The following ARPIN variants were observed in gnomAD, a reference collection of about 807,000 sequenced individuals.
ARPIN encodes UPF0552 protein C15orf38.
In ARPIN, 23 loss-of-function variants were observed where a neutral mutation model predicts 25.9. That is an observed-to-expected ratio of 0.89 (90% CI 0.64 to 1.26). ARPIN has a LOEUF of 1.26. Among genes scored for constraint, ARPIN ranks in the 50% most tolerant of loss-of-function variants. The probability of loss-of-function intolerance (pLI) is 0.00; values close to 1 mark genes in which losing one functional copy is unlikely to be tolerated. For synonymous variants in ARPIN, 126 were observed against 131.4 expected, an observed-to-expected ratio of 0.96 and a Z score of 0.28; for missense variants, 333 against 312.2, an observed-to-expected ratio of 1.07 and a Z score of -0.50.
At chr15:89,905,584 G>A (rs1246315960) in intron 3 of ARPIN, among the ~76,000 whole-genome samples, 1 of 151,980 alleles carries the variant, frequency 6.6e-6, no homozygotes, top group Non-Finnish European at 1.5e-5. Flanking sequence ...AAACTTCTTG[G>A]ATGCTCCATA....
At chr15:89,903,637 G>T in intron 4 of ARPIN, 140 bp downstream of exon 4, 1 of 1,408,766 alleles carries the variant, frequency 7.1e-7, no homozygotes, top group Non-Finnish European at 9.6e-7. Context: ...AGGGATTTAG[G>T]AGTAAATCTC....
At chr15:89,911,214 G>T (rs528116693) in intron 1 of ARPIN, among the ~76,000 whole-genome samples, 2 of 152,266 alleles carry the variant, frequency 1.3e-5, no homozygotes, top group East Asian at 3.9e-4. Context: ...CTTTTTTATT[G>T]GTCCAAATGT....
In ARPIN at chr15:89,895,147, G is replaced by T. The variant is rs564196249; in HGVS notation, c.*6648C>A. On this transcript the variant is annotated 3_prime_UTR_variant, in exon 6 of 6. Coordinates refer to ENST00000357484, the MANE Select transcript of ARPIN (RefSeq NM_182616.4). ...ATATATCTCAGCAGTGTTATTACAG[G>T]GGAAAATGGGAAGAAAATTATTACA... 22 of 152,118 alleles carry T rather than the reference G, an allele frequency of 1.4e-4. No individual in the cohort carries two copies. Among genetic ancestry groups the T allele is most frequent in the African/African-American group, 5.3e-4 (22 of 41,494 alleles). 9.4% of individuals were successfully genotyped at this position (152,118 alleles called of 1,614,324 possible).
chr15:89,898,073 A>G lies in ARPIN; in HGVS notation c.*3722T>C, dbSNP rs1190735843. 2 of 151,780 alleles carry G rather than the reference A, an allele frequency of 1.3e-5. No homozygotes were observed. The highest frequency in any genetic ancestry group is 3.9e-4 in the East Asian group (2 of 5,162). 9.4% of individuals were successfully genotyped at this position (151,780 alleles called of 1,614,324 possible). On this transcript the variant is annotated 3_prime_UTR_variant, in exon 6 of 6. Transcript: ENST00000357484. ...GGTTGCAGTGAGCCGAGATTGAGCC[A>G]TTGCACTCCAGCCTGGGCAACAAGA...
rs1897002624 is a variant in ARPIN at position 89,900,612 on chromosome 15, T to C, written c.*1183A>G. 6.6e-6 allele frequency: 1 copy of C among 152,204 alleles called. No homozygotes were observed. Among genetic ancestry groups the C allele is most frequent in the Non-Finnish European group, 1.5e-5 (1 of 68,028 alleles). 9.4% of individuals were successfully genotyped at this position (152,204 alleles called of 1,614,324 possible). Reference sequence around the variant, plus strand: ...TTATTATCATGGAAATCATCTAGCATTGTGTTCGACACATTAGGGGGACTC... The same window carrying C: ...TTATTATCATGGAAATCATCTAGCACTGTGTTCGACACATTAGGGGGACTC... On this transcript the variant is annotated 3_prime_UTR_variant, in exon 6 of 6. Coordinates refer to ENST00000357484, the MANE Select transcript of ARPIN (RefSeq NM_182616.4).
Position 89,903,874 on chromosome 15 carries a change from T to C in ARPIN, c.411A>G (p.Thr137=), listed in dbSNP as rs1446789637. The change falls in exon 4 of 6, where the codon ACA becomes ACG. Residue 137 remains threonine (T), a synonymous_variant. Transcript: ENST00000357484. ...ALTESLTPDH[T]VAFWMPESEM... is the part of the protein sequence containing the mutation. Reference sequence around the variant, plus strand: ...CTGACTCGGGCATCCAGAACGCCACTGTGTGGTCGGGGGTGAGGCTCTCTG... The same window carrying C: ...CTGACTCGGGCATCCAGAACGCCACCGTGTGGTCGGGGGTGAGGCTCTCTG... 5 of 1,613,982 alleles carry C rather than the reference T, an allele frequency of 3.1e-6. No individual in the cohort carries two copies. The highest frequency in any genetic ancestry group is 1.3e-5 in the African/African-American group (1 of 74,942).
At chr15:89,912,308 G>A (rs928598524) in intron 1 of ARPIN, 19 of 998,348 alleles carry the variant, frequency 1.9e-5, no homozygotes, top group Non-Finnish European at 2.0e-5. Flanking sequence ...CCTCACCCAG[G>A]CAGGCCCTGC....
rs1459530612 is a variant in ARPIN at position 89,903,251 on chromosome 15, G to A, written c.637C>T (p.Arg213Ter). The change falls in exon 5 of 6, where the codon CGA becomes TGA. Residue 213 changes from arginine (R) to a stop codon, truncating the protein, a stop_gained. Coordinates refer to ENST00000357484, the MANE Select transcript of ARPIN (RefSeq NM_182616.4). LOFTEE classifies it high-confidence loss of function. ...KCSKGAAAEI[R>*]EQGDGAEDEE... ...TCCTCTGCCCCATCCCCCTGCTCTCGGATCTCCGCTGCAGCCCCCTTCGAA... is the reference window on the plus strand; with the variant it reads ...TCCTCTGCCCCATCCCCCTGCTCTCAGATCTCCGCTGCAGCCCCCTTCGAA... 9.3e-6 allele frequency: 15 copies of A among 1,614,002 alleles called. No homozygotes were observed. Among genetic ancestry groups the A allele is most frequent in the East Asian group, 2.2e-5 (1 of 44,884 alleles).
chr15:89,905,166 C>T (rs897288826), intron 3 of ARPIN, among the ~76,000 whole-genome samples: 3 of 152,046 alleles, frequency 2.0e-5, no homozygotes, highest in East Asian at 1.9e-4. Context: ...GGATTACAGG[C>T]GTGTGCCACT....
rs1896996947 is a variant in ARPIN at position 89,900,277 on chromosome 15, G to A, written c.*1518C>T. On this transcript the variant is annotated 3_prime_UTR_variant, in exon 6 of 6. Coordinates refer to ENST00000357484, the MANE Select transcript of ARPIN (RefSeq NM_182616.4). ...AAGGGCAAGGAAGCAGGGGACAGTGGAAGGAACATAAGGTTTGCTTTTGAC... is the reference window on the plus strand; with the variant it reads ...AAGGGCAAGGAAGCAGGGGACAGTGAAAGGAACATAAGGTTTGCTTTTGAC... 1 of 152,260 alleles carries A rather than the reference G, an allele frequency of 6.6e-6. No individual in the cohort carries two copies. The highest frequency in any genetic ancestry group is 1.5e-5 in the Non-Finnish European group (1 of 68,078). The allele number at this position is 152,260 out of a possible 1,614,324, so 9.4% of individuals were successfully genotyped here.
chr15:89,912,874 C>A lies in ARPIN; in HGVS notation c.-39G>T. On this transcript the variant is annotated 5_prime_UTR_variant, in exon 1 of 6. Coordinates refer to ENST00000357484, the MANE Select transcript of ARPIN (RefSeq NM_182616.4). The stretch of plus-strand genomic sequence containing the variant: ...CGGGCACCCCGGCACAGAGCCGGCG[C>A]ACTGGGCTGGGGGCGCGGCGCGGGA... 6.7e-7 allele frequency: 1 copy of A among 1,502,708 alleles called. No homozygotes were observed. Among genetic ancestry groups the A allele is most frequent in the Non-Finnish European group, 8.8e-7 (1 of 1,130,708 alleles). 93.1% of individuals were successfully genotyped at this position (1,502,708 alleles called of 1,614,324 possible).
rs1295544283 is a variant in ARPIN, at chr15:89,896,356, A to C, written c.*5439T>G. On this transcript the variant is annotated 3_prime_UTR_variant, in exon 6 of 6. Transcript: ENST00000357484. ...TACTTTGATGGTTCAAATTGTAATT[A>C]TAGGAAGAATAACTGAAATATTATA... 6 of 152,230 alleles carry C rather than the reference A, an allele frequency of 3.9e-5. No homozygotes were observed. The highest frequency in any genetic ancestry group is 7.3e-5 in the Non-Finnish European group (5 of 68,048). The allele number at this position is 152,230 out of a possible 1,614,324, so 9.4% of individuals were successfully genotyped here.
At chr15:89,910,921 G>A (rs1897212488) in intron 1 of ARPIN, 102 bp from the exon 2 acceptor site, 1 of 1,364,040 alleles carries the variant, frequency 7.3e-7, no homozygotes, top group Non-Finnish European at 1.0e-6. Context: ...TGGGTACTGA[G>A]CAGCTCCTTT....
In ARPIN at chr15:89,907,055, A is replaced by AGTATT. The variant is rs1897132654; in HGVS notation, c.301+1224_301+1225insAATAC. On this transcript the variant is annotated intron_variant, in intron 3 of 5. Transcript: ENST00000357484. Reference sequence around the variant, plus strand: ...GCCTAGAAGTAAAGTGGCCATCAAAAAGTATTATTATTATTATTACTATTT... The same window carrying AGTATT: ...GCCTAGAAGTAAAGTGGCCATCAAAAGTATTAGTATTATTATTATTATTACTATTT... 2.6e-4 allele frequency among the ~76,000 whole-genome samples: 17 copies of AGTATT among 64,560 alleles called. No individual in the cohort carries two copies. In the South Asian group the frequency reaches 8.1e-3, roughly 31 times the overall value. 42.4% of individuals were successfully genotyped at this position (64,560 alleles called of 152,430 possible).
chr15:89,907,041 A>T (rs926626458), intron 3 of ARPIN, among the ~76,000 whole-genome samples: 39 of 145,890 alleles, frequency 2.7e-4, no homozygotes, highest in Admixed American at 2.3e-3. Context: ...CCTAGAAGTA[A>T]AGTGGCCATC....
chr15:89,907,096 T>A (rs1897134324), intron 3 of ARPIN, among the ~76,000 whole-genome samples: 1 of 150,496 alleles, frequency 6.6e-6, no homozygotes, highest in African/African-American at 2.4e-5. Context: ...TGAAACGGAG[T>A]CTCACTCTGT....
chr15:89,907,182 C>G (rs188996506), intron 3 of ARPIN, among the ~76,000 whole-genome samples: 22 of 151,770 alleles, frequency 1.4e-4, no homozygotes, highest in Non-Finnish European at 2.2e-4. Flanking sequence ...ATTCTCCTGC[C>G]TCAGCCTCCC....
rs1896969219 is a variant in ARPIN, at chr15:89,898,707, T to C, written c.*3088A>G. The C allele has an allele frequency of 8.0e-6, 1 of 125,360 alleles. No individual in the cohort carries two copies. Among genetic ancestry groups the C allele is most frequent in the South Asian group, 2.3e-4 (1 of 4,278 alleles). 7.8% of individuals were successfully genotyped at this position (125,360 alleles called of 1,614,324 possible). A position where few individuals can be genotyped will look rare whatever the true frequency, so the allele number is the denominator to read the frequency against. On this transcript the variant is annotated 3_prime_UTR_variant, in exon 6 of 6. Transcript: ENST00000357484. ...GAGCCGAGAAAGGAGGGTTGTGACA[T>C]TGTGATGAGCTCTGAGTTGTATTAA...
In ARPIN at chr15:89,897,438, T is replaced by G. The variant is rs1896947367; in HGVS notation, c.*4357A>C. ...AGGCAGAGGTTGCAGTGGGCCAAGA[T>G]CGCGCCATTGCACTCCAGCCTGGGC... On this transcript the variant is annotated 3_prime_UTR_variant, in exon 6 of 6. Coordinates refer to ENST00000357484, the MANE Select transcript of ARPIN (RefSeq NM_182616.4). The G allele has an allele frequency of 1.3e-5, 2 of 152,190 alleles. No homozygotes were observed. The highest frequency in any genetic ancestry group is 4.2e-4 in the South Asian group (2 of 4,816). The allele number at this position is 152,190 out of a possible 1,614,324, so 9.4% of individuals were successfully genotyped here.
Sources: gnomAD v4.1 joint callset for allele counts (sites outside exome capture counted in the v4.1 genomes callset) on GRCh38, gnomAD v4.1.1 for gene constraint, MANE v1.5 for transcripts, NCBI Gene and HGNC (gene_info 2026-07-23, HGNC 2026-07-21) for gene names.